The following MRPL44 variants were observed in gnomAD, a reference collection of about 807,000 sequenced individuals.
MRPL44 encodes mitochondrial ribosomal protein L44.
Under a neutral mutation model 25.9 loss-of-function variants are expected in MRPL44, and 21 were observed. That is an observed-to-expected ratio of 0.81 (90% CI 0.58 to 1.17). MRPL44 has a LOEUF of 1.17. Among genes scored for constraint, MRPL44 ranks in the 50% most tolerant of loss-of-function variants. The pLI is 0.00. For missense variants in MRPL44, 410 were observed against 398.9 expected (o/e 1.03, Z -0.24); for synonymous variants, 169 against 151.0 (o/e 1.12, Z -0.87).
At position 223,967,174 on chromosome 2, in the gene MRPL44, G is replaced by A. The variant is rs6707243; in HGVS notation, c.*140G>A. The A allele has an allele frequency of 1, 820,095 of 820,114 alleles. 410,038 individuals carry two copies. The highest frequency in any genetic ancestry group is 1 in the Middle Eastern group (2,594 of 2,594). The allele number at this position is 820,114 out of a possible 1,614,324, so 50.8% of individuals were successfully genotyped here. ...TTACTGTGTTCCCAAAATTAAATAA[G>A]TGTTAACCAAGTCACAGTGTTTTTG... is the stretch of plus-strand genomic sequence containing the variant. On this transcript the variant is annotated 3_prime_UTR_variant, in exon 4 of 4. Coordinates refer to ENST00000258383, the MANE Select transcript of MRPL44 (RefSeq NM_022915.5).
Position 223,967,621 on chromosome 2 carries a change from T to C in MRPL44, c.*587T>C, listed in dbSNP as rs1192716049. On this transcript the variant is annotated 3_prime_UTR_variant, in exon 4 of 4. Coordinates refer to ENST00000258383, the MANE Select transcript of MRPL44 (RefSeq NM_022915.5). ...TAGAATTTGTATAATTAGGTGTATT[T>C]TATTTGCGTCTAGCTTTGAGGTATC... 1 of 152,238 alleles carries C rather than the reference T, an allele frequency of 6.6e-6. No individual in the cohort carries two copies. Among genetic ancestry groups the C allele is most frequent in the Non-Finnish European group, 1.5e-5 (1 of 68,046 alleles). The allele number at this position is 152,238 out of a possible 1,614,324, so 9.4% of individuals were successfully genotyped here.
intron 2 of MRPL44, among the ~76,000 whole-genome samples, chr2:223,961,169 G>A (rs567035050): frequency 6.6e-6 from 1 of 152,340 alleles, no homozygotes; most frequent in African/African-American, 2.4e-5. Flanking sequence ...ATGCAATGTG[G>A]AAGTGCTTTC....
At position 223,967,187 on chromosome 2, in the gene MRPL44, C is replaced by A; in HGVS notation, c.*153C>A. 1.3e-6 allele frequency: 1 copy of A among 758,812 alleles called. No individual in the cohort carries two copies. Among genetic ancestry groups the A allele is most frequent in the Non-Finnish European group, 2.0e-6 (1 of 503,122 alleles). The allele number at this position is 758,812 out of a possible 1,614,324, so 47.0% of individuals were successfully genotyped here. ...AAAATTAAATAAGTGTTAACCAAGT[C>A]ACAGTGTTTTTGGTTTTGTTTTTCT... On this transcript the variant is annotated 3_prime_UTR_variant, in exon 4 of 4. Transcript: ENST00000258383.
chr2:223,959,883 C>T lies in MRPL44; in HGVS notation c.529C>T (p.Gln177Ter). ...CHVARNLAVE[Q>*]LTLSEEFPVP... ...CGTGGCTAGAAACTTGGCTGTGGAG[C>T]AGTTAACACTGAGTGAAGAATTCCC... Residue 177 changes from glutamine to a stop codon, truncating the protein, a stop_gained, in exon 2 of 4, where the codon CAG (glutamine) becomes TAG (stop). Transcript: ENST00000258383. LOFTEE classifies it high-confidence loss of function. The T allele has an allele frequency of 6.2e-7, 1 of 1,614,158 alleles. No homozygotes were observed. Among genetic ancestry groups the T allele is most frequent in the Non-Finnish European group, 8.5e-7 (1 of 1,180,024 alleles).
chr2:223,965,452 G>A (rs1052297649), intron 3 of MRPL44, among the ~76,000 whole-genome samples: 4 of 152,164 alleles, frequency 2.6e-5, no homozygotes, highest in African/African-American at 9.7e-5. Flanking sequence ...GTTGCCGATT[G>A]AATCTGATTT....
chr2:223,954,752 A>G (rs1689539168), upstream of MRPL44, among the ~76,000 whole-genome samples: 1 of 152,232 alleles, frequency 6.6e-6, no homozygotes, highest in Admixed American at 6.5e-5. Flanking sequence ...CCCAGAATTG[A>G]TAAAAACATC....
At chr2:223,963,470 T>G (rs946389853) in intron 2 of MRPL44, among the ~76,000 whole-genome samples, 18 of 152,094 alleles carry the variant, frequency 1.2e-4, no homozygotes, top group African/African-American at 4.3e-4. Flanking sequence ...AATTATAGGA[T>G]TCTACCTTCT....
chr2:223,957,315 T>A (rs545404436), upstream of MRPL44: 1 of 833,820 alleles, frequency 1.2e-6, no homozygotes, highest in East Asian at 2.7e-5. Flanking sequence ...GCCCCGGGGC[T>A]GTCTCCGCCC....
intron 3 of MRPL44, among the ~76,000 whole-genome samples, chr2:223,965,195 T>C (rs1338837823): frequency 6.6e-6 from 1 of 152,220 alleles, no homozygotes; most frequent in Non-Finnish European, 1.5e-5. Flanking sequence ...TCTGTGCTTG[T>C]TATTCACTTC....
At chr2:223,957,017 A>T (rs1210174505), upstream of MRPL44, among the ~76,000 whole-genome samples, 1 of 152,238 alleles carries the variant, frequency 6.6e-6, no homozygotes, top group Non-Finnish European at 1.5e-5. Context: ...CTGGGTCAAA[A>T]ATAGAAGCTC....
At position 223,959,838 on chromosome 2, in the gene MRPL44, G is replaced by C; in HGVS notation, c.484G>C (p.Gly162Arg). The C allele has an allele frequency of 6.2e-7, 1 of 1,614,164 alleles. No individual in the cohort carries two copies. Among genetic ancestry groups the C allele is most frequent in the East Asian group, 2.2e-5 (1 of 44,882 alleles). The change falls in exon 2 of 4, where the codon GGT (glycine) becomes CGT (arginine). Residue 162 changes from glycine (G) to arginine (R), a missense_variant. Physicochemically the swap from Gly to Arg is moderately radical, Grantham distance 125 (BLOSUM62 -2). Coordinates refer to ENST00000258383, the MANE Select transcript of MRPL44 (RefSeq NM_022915.5). The stretch of plus-strand genomic sequence containing the variant: ...AAAAAATCTTGTTGACTTTCTCACT[G>C]GTGAGGAAGTCGTGTGTCACGTGGC... The part of the protein sequence containing the change: ...GIKNLVDFLT[G>R]EEVVCHVARN...
intron 3 of MRPL44, chr2:223,965,769 A>T (rs1185522239): frequency 6.6e-6 from 1 of 152,250 alleles, no homozygotes; most frequent in African/African-American, 2.4e-5. Flanking sequence ...TTGGGAATAA[A>T]TTAGAGTGGA....
intron 2 of MRPL44, among the ~76,000 whole-genome samples, chr2:223,963,210 A>C (rs1574795688): frequency 6.6e-6 from 1 of 152,132 alleles, no homozygotes; most frequent in East Asian, 1.9e-4. Flanking sequence ...TTGAGAAGCC[A>C]AGGCAGGAGG....
intron 1 of MRPL44, 63 bp downstream of exon 1, chr2:223,957,714 C>T: frequency 6.6e-7 from 1 of 1,514,932 alleles, no homozygotes; most frequent in Non-Finnish European, 8.8e-7. Context: ...CTTCTTCCCG[C>T]GGCGTCGTGT....
At chr2:223,965,125 T>C (rs1166944679) in intron 3 of MRPL44, among the ~76,000 whole-genome samples, 1 of 152,172 alleles carries the variant, frequency 6.6e-6, no homozygotes, top group East Asian at 1.9e-4. Flanking sequence ...AGATTTTACA[T>C]AATGACTTTT....
At chr2:223,959,087 A>G (rs556232656) in intron 1 of MRPL44, among the ~76,000 whole-genome samples, 94 of 152,246 alleles carry the variant, frequency 6.2e-4, no homozygotes, top group Non-Finnish European at 1.2e-3. Flanking sequence ...GAATTTCAGT[A>G]TCCAGGAGAG....
rs1192716049 is a variant in MRPL44 at position 223,967,621 on chromosome 2, T to G, written c.*587T>G. 2 of 152,238 alleles carry G rather than the reference T, an allele frequency of 1.3e-5. No individual in the cohort carries two copies. Among genetic ancestry groups the G allele is most frequent in the Non-Finnish European group, 2.9e-5 (2 of 68,046 alleles). 9.4% of individuals were successfully genotyped at this position (152,238 alleles called of 1,614,324 possible). ...TAGAATTTGTATAATTAGGTGTATTTTATTTGCGTCTAGCTTTGAGGTATC... is the reference window on the plus strand; with the variant it reads ...TAGAATTTGTATAATTAGGTGTATTGTATTTGCGTCTAGCTTTGAGGTATC... On this transcript the variant is annotated 3_prime_UTR_variant, in exon 4 of 4. Transcript: ENST00000258383.
upstream of MRPL44, chr2:223,957,343 C>T (rs1389220801): frequency 8.2e-7 from 1 of 1,222,142 alleles, no homozygotes; most frequent in Middle Eastern, 2.0e-4. Flanking sequence ...CTCTCAGTCG[C>T]CCCGCCCCGG....
Position 223,957,564 on chromosome 2 carries a change from T to G in MRPL44, c.92T>G (p.Val31Gly). ...APKLVPPVRG[V>G]KKGFRAAFRF... ...AAGCTGGTCCCTCCGGTTCGGGGAG[T>G]GAAGAAGGGATTCCGCGCCGCCTTC... is the stretch of plus-strand genomic sequence containing the variant. Residue 31 changes from valine to glycine, a missense_variant, in exon 1 of 4, where the codon GTG becomes GGG. Transcript: ENST00000258383. 1 of 1,613,856 alleles carries G rather than the reference T, an allele frequency of 6.2e-7. No individual in the cohort carries two copies.
Sources: gnomAD v4.1 joint callset for allele counts (sites outside exome capture counted in the v4.1 genomes callset) on GRCh38, gnomAD v4.1.1 for gene constraint, MANE v1.5 for transcripts, NCBI Gene and HGNC (gene_info 2026-07-23, HGNC 2026-07-21) for gene names.